The following ZNF407 variants were observed in gnomAD, a reference collection of about 807,000 sequenced individuals.
ZNF407 encodes zinc finger protein 407.
A neutral mutation model predicts 131.2 loss-of-function variants in ZNF407; 17 were observed. The ratio of observed to expected loss-of-function variants is 0.13; its 90% CI spans 0.09 to 0.19. The LOEUF (loss-of-function observed/expected upper bound fraction) is 0.19. ZNF407 is among the 10% of genes least tolerant of loss of function. The pLI is 1.00. For synonymous variants in ZNF407, 1,156 were observed against 1,062.0 expected (o/e 1.09, Z -1.72); for missense variants, 2,681 against 2,830.6 (o/e 0.95, Z 1.20).
chr18:74,630,234 A>C (rs1467763709), intron 1 of ZNF407, among the ~76,000 whole-genome samples: 4 of 145,892 alleles, frequency 2.7e-5, no homozygotes, highest in Non-Finnish European at 5.9e-5. Context: ...GCAGTGGTGC[A>C]ATCTCGGCTC....
intron 8 of ZNF407, among the ~76,000 whole-genome samples, chr18:75,027,190 G>A (rs1472009630): frequency 6.6e-6 from 1 of 152,216 alleles, no homozygotes; most frequent in African/African-American, 2.4e-5. Context: ...ACTGAGCACG[G>A]AGACCTTTGC....
intron 3 of ZNF407, among the ~76,000 whole-genome samples, chr18:74,690,760 A>T (rs1040780766): frequency 3.3e-5 from 5 of 152,202 alleles, no homozygotes; most frequent in African/African-American, 1.2e-4. Flanking sequence ...GGTAGTCATT[A>T]ATTTACTTTG....
At chr18:74,826,279 G>GGA (rs909480761) in intron 4 of ZNF407, among the ~76,000 whole-genome samples, 2 of 151,426 alleles carry the variant, frequency 1.3e-5, no homozygotes, top group Non-Finnish European at 2.9e-5. Context: ...AAAACTGATA[G>GGA]GAGAGAGAGA....
chr18:74,753,323 C>T (rs1968851368), intron 3 of ZNF407, among the ~76,000 whole-genome samples: 1 of 152,214 alleles, frequency 6.6e-6, no homozygotes, highest in Admixed American at 6.5e-5. Flanking sequence ...ATTTGACTTC[C>T]TCTTTTCCTA....
At chr18:74,745,117 T>C (rs1968638190) in intron 3 of ZNF407, among the ~76,000 whole-genome samples, 2 of 152,184 alleles carry the variant, frequency 1.3e-5, no homozygotes, top group South Asian at 4.1e-4. Flanking sequence ...GGGTGGGAAA[T>C]ACCATGTAAT....
chr18:75,024,550 A>G (rs1973149645), intron 8 of ZNF407, among the ~76,000 whole-genome samples: 1 of 152,156 alleles, frequency 6.6e-6, no homozygotes, highest in South Asian at 2.1e-4. Context: ...TTTCTATTAA[A>G]CATTTCAACT....
intron 3 of ZNF407, among the ~76,000 whole-genome samples, chr18:74,729,184 A>G (rs938236176): frequency 6.6e-6 from 1 of 152,196 alleles, no homozygotes; most frequent in Non-Finnish European, 1.5e-5. Context: ...AATGAGGGGC[A>G]GGTAGTACTA....
chr18:74,830,179 G>T (rs1970462824), intron 4 of ZNF407, among the ~76,000 whole-genome samples: 1 of 152,186 alleles, frequency 6.6e-6, no homozygotes, highest in South Asian at 2.1e-4. Flanking sequence ...AGAACTGTGA[G>T]AAAATAAGTA....
rs555891831 is a variant in ZNF407 at position 74,811,012 on chromosome 18, A to G, written c.4877+29510A>G. 2.7e-3 allele frequency among the ~76,000 whole-genome samples: 404 copies of G among 152,304 alleles called. 4 individuals are homozygous for G. The highest frequency in any genetic ancestry group is 9.1e-3 in the African/African-American group (378 of 41,554). ...AACAAAACACCAAAAACAAAAGCCA[A>G]AATTGACAAATGGGATCTAATTAAA... On this transcript the variant is annotated intron_variant, in intron 4 of 8. Coordinates refer to ENST00000299687, the MANE Select transcript of ZNF407 (RefSeq NM_017757.3).
chr18:74,729,197 A>C (rs545886906), intron 3 of ZNF407, among the ~76,000 whole-genome samples: 2 of 152,190 alleles, frequency 1.3e-5, no homozygotes, highest in Admixed American at 1.3e-4. Context: ...TAGTACTATT[A>C]TGGAGTGATG....
At chr18:75,014,304 T>C (rs1973018027) in intron 8 of ZNF407, among the ~76,000 whole-genome samples, 1 of 152,106 alleles carries the variant, frequency 6.6e-6, no homozygotes, top group Admixed American at 6.6e-5. Flanking sequence ...GTGTTCGAAA[T>C]ATAAAATCTT....
chr18:74,931,790 A>T (rs1217696176), intron 8 of ZNF407, among the ~76,000 whole-genome samples: 1 of 152,212 alleles, frequency 6.6e-6, no homozygotes, highest in East Asian at 1.9e-4. Flanking sequence ...TTAACTGATC[A>T]CTAATGATGT....
chr18:74,688,917 C>T (rs535032273), intron 3 of ZNF407, among the ~76,000 whole-genome samples: 2 of 152,168 alleles, frequency 1.3e-5, no homozygotes, highest in Non-Finnish European at 1.5e-5. Flanking sequence ...CAACCTCTGC[C>T]TTCTGGGTTC....
At chr18:75,013,045 G>A (rs980990872) in intron 8 of ZNF407, among the ~76,000 whole-genome samples, 2 of 151,332 alleles carry the variant, frequency 1.3e-5, no homozygotes, top group African/African-American at 2.4e-5. Flanking sequence ...AAAGGAGACC[G>A]TGCCTGATGC....
At chr18:74,687,403 G>A (rs778507957) in intron 3 of ZNF407, among the ~76,000 whole-genome samples, 21 of 152,154 alleles carry the variant, frequency 1.4e-4, no homozygotes, top group Non-Finnish European at 3.1e-4. Flanking sequence ...GGTGCTCTGT[G>A]TTAAGGAGGA....
chr18:74,926,461 A>C (rs1271440809), intron 8 of ZNF407, among the ~76,000 whole-genome samples: 1 of 152,202 alleles, frequency 6.6e-6, no homozygotes, highest in Non-Finnish European at 1.5e-5. Flanking sequence ...TTTCTTGAAT[A>C]ATATACTGAA....
chr18:74,806,118 A>G (rs1249543667), intron 4 of ZNF407, among the ~76,000 whole-genome samples: 1 of 152,266 alleles, frequency 6.6e-6, no homozygotes, highest in African/African-American at 2.4e-5. Context: ...TAGAACTCCA[A>G]GCCATCACGT....
intron 3 of ZNF407, among the ~76,000 whole-genome samples, chr18:74,710,562 G>A (rs367743344): frequency 6.6e-5 from 10 of 152,266 alleles, no homozygotes; most frequent in African/African-American, 2.4e-4. Context: ...CTGGAACATT[G>A]TCAATACTGT....
In ZNF407 at chr18:74,999,348, TAAAAAA is replaced by T. The variant is rs71170334; in HGVS notation, c.5429-63780_5429-63775del. 6.4e-3 allele frequency among the ~76,000 whole-genome samples: 388 copies of T among 60,482 alleles called. 4 individuals carry two copies. Among genetic ancestry groups the T allele is most frequent in the African/African-American group, 0.018 (350 of 19,534 alleles). The allele number at this position is 60,482 out of a possible 152,430, so 39.7% of individuals were successfully genotyped here. A position where few individuals can be genotyped will look rare whatever the true frequency, so the allele number is the denominator to read the frequency against. On this transcript the variant is annotated intron_variant, in intron 8 of 8. Transcript: ENST00000299687. ...ATGTACCCTAAAACTTAGAGTATAA[TAAAAAA>T]AAAAAAAAAAAAAAAAAAAAACAAA...
Sources: gnomAD v4.1 joint callset for allele counts (sites outside exome capture counted in the v4.1 genomes callset) on GRCh38, gnomAD v4.1.1 for gene constraint, MANE v1.5 for transcripts, NCBI Gene and HGNC (gene_info 2026-07-23, HGNC 2026-07-21) for gene names.